Variants in FHIP2B observed in about 807,000 individuals in gnomAD.
The protein encoded by FHIP2B is FHF complex subunit HOOK-interacting protein 2B.
A neutral mutation model predicts 84.0 loss-of-function variants in FHIP2B; 72 were observed. The ratio of observed to expected loss-of-function variants is 0.86; its 90% CI spans 0.71 to 1.04. The LOEUF (loss-of-function observed/expected upper bound fraction) is 1.04. Ranked by LOEUF, FHIP2B falls within the 50% of genes least tolerant of loss-of-function variation. FHIP2B has a pLI of 0.00. For synonymous variants in FHIP2B, 497 were observed against 418.7 expected (o/e 1.19, Z -2.28); for missense variants, 972 against 968.9 (o/e 1.00, Z -0.04).
rs1161949327 is a variant in FHIP2B at position 22,097,765 on chromosome 8, G to C, written c.451G>C (p.Glu151Gln). Residue 151 changes from glutamate to glutamine, a missense_variant, in exon 5 of 17, where the codon GAG (glutamate) becomes CAG (glutamine). Coordinates refer to ENST00000289921, the MANE Select transcript of FHIP2B (RefSeq NM_022749.7). ...TGCTTCCGGATCCGTTACAGAAAAG[G>C]AGGAGGTGCAGTTCACCACCGTCCT... is the stretch of plus-strand genomic sequence containing the variant. Reference protein sequence around the residue: ...GTASGSVTEKEEVQFTTVLCS... With the variant: ...GTASGSVTEKQEVQFTTVLCS... 1 of 1,613,392 alleles carries C rather than the reference G, an allele frequency of 6.2e-7. No individual in the cohort carries two copies.
At chr8:22,102,684 T>C in intron 16 of FHIP2B, 56 bp downstream of exon 16, 1 of 1,579,064 alleles carries the variant, frequency 6.3e-7, no homozygotes, top group Non-Finnish European at 8.6e-7. Context: ...AAAGCGCCTC[T>C]GGAGGAGAGG....
intron 10 of FHIP2B, 160 bp from the exon 11 acceptor site, chr8:22,100,434 C>T: frequency 1.5e-6 from 1 of 685,592 alleles, no homozygotes; most frequent in South Asian, 3.9e-5. Context: ...ATTCCTAGGC[C>T]CACACCCCCC....
At position 22,101,532 on chromosome 8, in the gene FHIP2B, T is replaced by C; in HGVS notation, c.1707+2T>C. On this transcript the variant is annotated splice_donor_variant, in intron 13 of 16. Transcript: ENST00000289921. LOFTEE classifies it high-confidence loss of function. Reference sequence around the variant, plus strand: ...TACGTCCACGATGCTTATGGCCTGGTGAGTGGCTCCTGCTACCAGCTCCCA... The same window carrying C: ...TACGTCCACGATGCTTATGGCCTGGCGAGTGGCTCCTGCTACCAGCTCCCA... 1 of 1,609,322 alleles carries C rather than the reference T, an allele frequency of 6.2e-7. No homozygotes were observed. Among genetic ancestry groups the C allele is most frequent in the Non-Finnish European group, 8.5e-7 (1 of 1,176,686 alleles).
At chr8:22,093,721 T>TTTTTTTTTG (rs1825618660) in intron 1 of FHIP2B, among the ~76,000 whole-genome samples, 1 of 125,836 alleles carries the variant, frequency 7.9e-6, no homozygotes, top group African/African-American at 3.2e-5. Flanking sequence ...TTTTTTTTTT[T>TTTTTTTTTG]TTTTTTTTTT....
In FHIP2B at chr8:22,099,269, C is replaced by T. The variant is rs758132943; in HGVS notation, c.1075-15C>T. The T allele has an allele frequency of 6.2e-7, 1 of 1,613,124 alleles. No individual in the cohort carries two copies. Among genetic ancestry groups the T allele is most frequent in the Admixed American group, 1.7e-5 (1 of 59,880 alleles). On this transcript the variant is annotated splice_polypyrimidine_tract_variant and intron_variant, in intron 8 of 16. Coordinates refer to ENST00000289921, the MANE Select transcript of FHIP2B (RefSeq NM_022749.7). The stretch of plus-strand genomic sequence containing the variant: ...GTAATGAGGGCAAAACACATTGGCG[C>T]TCTCTGGCACCCAGGTGGTTGCGGA...
intron 1 of FHIP2B, chr8:22,089,765 C>T: frequency 7.8e-7 from 1 of 1,284,704 alleles, no homozygotes; most frequent in Non-Finnish European, 1.0e-6. Flanking sequence ...TCCCAGACAA[C>T]TCCAGGACCT....
At chr8:22,092,432 C>A (rs1022850310) in intron 1 of FHIP2B, among the ~76,000 whole-genome samples, 2 of 152,094 alleles carry the variant, frequency 1.3e-5, no homozygotes, top group Non-Finnish European at 2.9e-5. Context: ...ATACAAAAAT[C>A]AGCCAGGCGT....
rs575168429 is a variant in FHIP2B at position 22,089,293 on chromosome 8, G to C, written c.40G>C (p.Gly14Arg). The C allele has an allele frequency of 8.3e-5, 86 of 1,033,490 alleles. No individual in the cohort carries two copies. In the African/African-American group the frequency reaches 9.0e-4, roughly 11 times the overall value. 64.0% of individuals were successfully genotyped at this position (1,033,490 alleles called of 1,614,324 possible). ...RLGALLQEAV[G>R]AREPSIDLLQ... is the part of the protein sequence containing the mutation. ...CGGGGCGCTGCTGCAGGAAGCCGTG[G>C]GGGCGGTGAGGCCGGCAGGGCCGGG... The change falls in exon 1 of 17, where the codon GGG (glycine) becomes CGG (arginine). Residue 14 changes from glycine to arginine, a missense_variant. Coordinates refer to ENST00000289921, the MANE Select transcript of FHIP2B (RefSeq NM_022749.7).
At chr8:22,099,411 A>C in intron 9 of FHIP2B, 51 bp downstream of exon 9, 1 of 1,574,998 alleles carries the variant, frequency 6.3e-7, no homozygotes, top group Non-Finnish European at 8.7e-7. Context: ...TAAACCACCT[A>C]CCCCACCCAG....
chr8:22,098,984 T>G lies in FHIP2B; in HGVS notation c.1002T>G (p.Pro334=). ...CCCCGTCTGATGAGGCTTCCTTCCC[T>G]GGCAAGGAGGCCTTGGCTGCCTTCT... ...PSAPSDEASF[P]GKEALAAFLG... The change falls in exon 8 of 17, where the codon CCT becomes CCG. Residue 334 remains proline (P), a synonymous_variant. Transcript: ENST00000289921. The G allele has an allele frequency of 6.2e-7, 1 of 1,608,204 alleles. No individual in the cohort carries two copies. Among genetic ancestry groups the G allele is most frequent in the Non-Finnish European group, 8.5e-7 (1 of 1,177,214 alleles).
intron 1 of FHIP2B, 59 bp from the exon 2 acceptor site, chr8:22,094,381 G>T: frequency 6.6e-7 from 1 of 1,511,746 alleles, no homozygotes; most frequent in South Asian, 1.3e-5. Context: ...GTTCCCATGC[G>T]GGCAGGGGCT....
At chr8:22,100,821 G>A (rs753510793) in intron 11 of FHIP2B, 23 bp from the exon 12 acceptor site, 58 of 1,613,570 alleles carry the variant, frequency 3.6e-5, no homozygotes, top group Admixed American at 6.7e-5. Flanking sequence ...CACTGGTGCC[G>A]TACTGCTCTG....
At chr8:22,092,719 G>A (rs918678642) in intron 1 of FHIP2B, among the ~76,000 whole-genome samples, 1 of 152,108 alleles carries the variant, frequency 6.6e-6, no homozygotes, top group South Asian at 2.1e-4. Context: ...GGCACACTTT[G>A]CAGAGTTCCT....
rs768323988 is a variant in FHIP2B, at chr8:22,102,637, C to T, written c.2093+9C>T. The T allele has an allele frequency of 3.8e-6, 6 of 1,563,186 alleles. No individual in the cohort carries two copies. The highest frequency in any genetic ancestry group is 4.3e-6 in the Non-Finnish European group (5 of 1,154,116). Reference sequence around the variant, plus strand: ...CAGGCTCCTGGGGAGCAGTGAGTACCAAGGGTGCCAGGTGAAGCCTTGGGG... The same window carrying T: ...CAGGCTCCTGGGGAGCAGTGAGTACTAAGGGTGCCAGGTGAAGCCTTGGGG... On this transcript the variant is annotated intron_variant, in intron 16 of 16. Transcript: ENST00000289921.
intron 2 of FHIP2B, chr8:22,095,297 A>G (rs923428925): frequency 1.3e-5 from 2 of 152,266 alleles, no homozygotes; most frequent in Admixed American, 6.5e-5. Flanking sequence ...AGGTTTCTCA[A>G]TCTTGGCACA....
At position 22,099,773 on chromosome 8, in the gene FHIP2B, G is replaced by C; in HGVS notation, c.1221G>C (p.Ala407=). 6.2e-7 allele frequency: 1 copy of C among 1,611,846 alleles called. No homozygotes were observed. The highest frequency in any genetic ancestry group is 8.5e-7 in the Non-Finnish European group (1 of 1,179,636). Reference sequence around the variant, plus strand: ...TGCTGCGCCAGCTTCGCTCCCCTGCGCTGCTGCGGGAGGCCGTGGCTTTCC... The same window carrying C: ...TGCTGCGCCAGCTTCGCTCCCCTGCCCTGCTGCGGGAGGCCGTGGCTTTCC... ...TAMLRQLRSP[A]LLREAVAFLL... is the part of the protein sequence containing the mutation. The change falls in exon 10 of 17, where the codon GCG becomes GCC. Residue 407 remains alanine, a synonymous_variant. Coordinates refer to ENST00000289921, the MANE Select transcript of FHIP2B (RefSeq NM_022749.7).
In FHIP2B at chr8:22,101,851, G is replaced by C; in HGVS notation, c.1851G>C (p.Gln617His). ...LFDRMSRILDQPYSLNLQVTS... is the reference protein window; with the variant it reads ...LFDRMSRILDHPYSLNLQVTS... ...ACCGCATGTCCCGGATTCTGGATCA[G>C]GTAGCTAGTGGGCCTGGGCCAGGAG... Residue 617 changes from glutamine to histidine, a missense_variant and splice_region_variant, in exon 14 of 17, where the codon CAG becomes CAC. Physicochemically the swap from Gln to His is conservative, Grantham distance 24 (BLOSUM62 0). Coordinates refer to ENST00000289921, the MANE Select transcript of FHIP2B (RefSeq NM_022749.7). The C allele has an allele frequency of 6.2e-7, 1 of 1,613,030 alleles. No homozygotes were observed. The highest frequency in any genetic ancestry group is 8.5e-7 in the Non-Finnish European group (1 of 1,179,636).
At chr8:22,091,191 C>T (rs1193168320) in intron 1 of FHIP2B, among the ~76,000 whole-genome samples, 1 of 150,506 alleles carries the variant, frequency 6.6e-6, no homozygotes, top group Non-Finnish European at 1.5e-5. Flanking sequence ...AGTAGGAAGA[C>T]TGCTCCTTCC....
intron 1 of FHIP2B, chr8:22,089,889 CG>C (rs1825384955): frequency 8.1e-7 from 1 of 1,237,250 alleles, no homozygotes; most frequent in African/African-American, 1.5e-5. Flanking sequence ...GGCCCCCAGC[CG>C]GGGAAATCGC....
Sources: gnomAD v4.1 joint callset for allele counts (sites outside exome capture counted in the v4.1 genomes callset) on GRCh38, gnomAD v4.1.1 for gene constraint, MANE v1.5 for transcripts, NCBI Gene and HGNC (gene_info 2026-07-23, HGNC 2026-07-21) for gene names.